COG5: variants seen among roughly 807,000 people sequenced by gnomAD.
COG5 encodes the protein conserved oligomeric Golgi complex subunit 5.
A neutral mutation model predicts 110.4 loss-of-function variants in COG5; 86 were observed. That is an observed-to-expected ratio of 0.78 (90% CI 0.65 to 0.93). The LOEUF (loss-of-function observed/expected upper bound fraction) is 0.93. Ranked by LOEUF, COG5 falls within the 40% of genes least tolerant of loss-of-function variation. The pLI is 0.00. For missense variants in COG5, 1,077 were observed against 987.0 expected (o/e 1.09, Z -1.22); for synonymous variants, 360 against 334.6 (o/e 1.08, Z -0.83).
intron 6 of COG5, among the ~76,000 whole-genome samples, chr7:107,419,043 A>C (rs1793086401): frequency 6.6e-6 from 1 of 152,192 alleles, no homozygotes; most frequent in Non-Finnish European, 1.5e-5. Flanking sequence ...GAATACTTTA[A>C]TCATATTTAA....
In COG5 at chr7:107,258,357, C is replaced by G. The variant is rs759544719; in HGVS notation, c.1602G>C (p.Gln534His). ...GTCCTTCAGTAAGAGGCCCAATCAC[C>G]TGACTTGCATCTCCTTGTGTGGAGA... ...QLLSTQGDAS[Q>H]VIGPLTEGQR... Residue 534 changes from glutamine (Q) to histidine (H), a missense_variant, in exon 15 of 22, where the codon CAG becomes CAC. Gln to His is a conservative substitution (Grantham distance 24). Coordinates refer to ENST00000297135, the MANE Select transcript of COG5 (RefSeq NM_006348.5). 13 of 1,611,492 alleles carry G rather than the reference C, an allele frequency of 8.1e-6. No individual in the cohort carries two copies. The South Asian group carries it at 1.3e-4, about 16-fold the overall frequency.
chr7:107,515,711 T>C (rs1160913060), intron 6 of COG5, among the ~76,000 whole-genome samples: 1 of 152,216 alleles, frequency 6.6e-6, no homozygotes, highest in Admixed American at 6.5e-5. Flanking sequence ...CTACAAATCA[T>C]CCTTCTTTTA....
At chr7:107,353,516 A>G (rs1311598008) in intron 10 of COG5, among the ~76,000 whole-genome samples, 1 of 152,084 alleles carries the variant, frequency 6.6e-6, no homozygotes, top group Non-Finnish European at 1.5e-5. Flanking sequence ...AGGTATAAAT[A>G]TATCTTTTCA....
At chr7:107,246,130 A>C (rs964565477) in intron 17 of COG5, among the ~76,000 whole-genome samples, 1 of 152,242 alleles carries the variant, frequency 6.6e-6, no homozygotes, top group African/African-American at 2.4e-5. Flanking sequence ...TTTCCTATTC[A>C]AGAAATGGTG....
At chr7:107,452,481 G>A (rs1005647961) in intron 6 of COG5, among the ~76,000 whole-genome samples, 14 of 152,052 alleles carry the variant, frequency 9.2e-5, no homozygotes, top group Non-Finnish European at 5.9e-5. Flanking sequence ...TAATTGAATC[G>A]TGGCAGCGGG....
At chr7:107,496,663 AAAAACAAAAAAC>A (rs1798292392) in intron 6 of COG5, among the ~76,000 whole-genome samples, 3 of 151,444 alleles carry the variant, frequency 2.0e-5, no homozygotes, top group Non-Finnish European at 4.4e-5. Context: ...GTCTCAAAAA[AAAAACAAAAAAC>A]AAAAAACAAA....
chr7:107,492,931 A>G (rs1455547287), intron 6 of COG5, among the ~76,000 whole-genome samples: 1 of 152,134 alleles, frequency 6.6e-6, no homozygotes, highest in Non-Finnish European at 1.5e-5. Flanking sequence ...AAAACACCAG[A>G]GAACATGTCA....
intron 5 of COG5, among the ~76,000 whole-genome samples, chr7:107,544,628 T>G (rs1275685585): frequency 6.6e-6 from 1 of 152,160 alleles, no homozygotes; most frequent in African/African-American, 2.4e-5. Context: ...AAAGCCTGCC[T>G]AGGATCTCTG....
chr7:107,419,769 T>C (rs975589255), intron 6 of COG5, among the ~76,000 whole-genome samples: 1 of 152,108 alleles, frequency 6.6e-6, no homozygotes, highest in Non-Finnish European at 1.5e-5. Context: ...GGTTTCACCA[T>C]TTTGGCCAGG....
rs1451042223 is a variant in COG5 at position 107,267,953 on chromosome 7, T to C, written c.1576-9570A>G. On this transcript the variant is annotated intron_variant, in intron 14 of 21. Coordinates refer to ENST00000297135, the MANE Select transcript of COG5 (RefSeq NM_006348.5). ...TATAATCTTACATGCATTATTACTT[T>C]TCGTAGTAAGAAATTCTTTTTGTTG... Among the ~76,000 whole-genome samples the C allele has an allele frequency of 2.0e-5, 3 of 152,304 alleles. No homozygotes were observed. The East Asian group carries it at 5.8e-4, about 29-fold the overall frequency.
At position 107,530,309 on chromosome 7, in the gene COG5, T is replaced by C. The variant is rs184654557; in HGVS notation, c.418-2952A>G. ...CCAGCCAGATTTATCTTCTTAAAAA[T>C]GCAGTTTTTGGGCCGGACGCAGTGG... is the stretch of plus-strand genomic sequence containing the variant. On this transcript the variant is annotated intron_variant, in intron 5 of 21. Transcript: ENST00000297135. Among the ~76,000 whole-genome samples, 846 of 152,292 alleles carry C rather than the reference T, an allele frequency of 5.6e-3. 9 individuals are homozygous for C. Among genetic ancestry groups the C allele is most frequent in the Non-Finnish European group, 8.6e-3 (582 of 68,018 alleles).
At chr7:107,220,180 G>C (rs1346658694) in intron 19 of COG5, among the ~76,000 whole-genome samples, 1 of 152,150 alleles carries the variant, frequency 6.6e-6, no homozygotes, top group Non-Finnish European at 1.5e-5. Flanking sequence ...CTGATTCACA[G>C]AATCAGTATA....
intron 10 of COG5, among the ~76,000 whole-genome samples, chr7:107,360,710 C>A (rs914981505): frequency 6.6e-6 from 1 of 152,212 alleles, no homozygotes; most frequent in East Asian, 1.9e-4. Flanking sequence ...TGTGCTGACA[C>A]CTGGAGCTGC....
chr7:107,305,434 A>C (rs999374989), intron 11 of COG5, among the ~76,000 whole-genome samples: 1 of 152,178 alleles, frequency 6.6e-6, no homozygotes, highest in Non-Finnish European at 1.5e-5. Context: ...TATTGCCTTT[A>C]GGATGTCTTG....
In COG5 at chr7:107,211,302, T is replaced by C. The variant is rs569153247; in HGVS notation, c.2169-77A>G. The C allele has an allele frequency of 1.4e-4, 205 of 1,508,352 alleles. No individual in the cohort carries two copies. In the East Asian group the frequency reaches 4.5e-3, roughly 33 times the overall value. The allele number at this position is 1,508,352 out of a possible 1,614,324, so 93.4% of individuals were successfully genotyped here. On this transcript the variant is annotated intron_variant, in intron 19 of 21. Coordinates refer to ENST00000297135, the MANE Select transcript of COG5 (RefSeq NM_006348.5). ...GATTTGGTGGGAGAATCATTCTCCT[T>C]GTAGAATAGCATTTTTCCTAGATTG...
intron 5 of COG5, among the ~76,000 whole-genome samples, chr7:107,535,415 G>T (rs1563087934): frequency 6.6e-6 from 1 of 151,414 alleles, no homozygotes; most frequent in Non-Finnish European, 1.5e-5. Context: ...TAAACCACTA[G>T]CCAGACTAAC....
chr7:107,223,517 C>G (rs1800104010), intron 19 of COG5, among the ~76,000 whole-genome samples: 1 of 152,204 alleles, frequency 6.6e-6, no homozygotes, highest in Non-Finnish European at 1.5e-5. Flanking sequence ...TAAAAGCATA[C>G]ATTTGGCTGA....
chr7:107,209,926 G>A (rs1799045105), intron 21 of COG5: 3 of 986,606 alleles, frequency 3.0e-6, no homozygotes, highest in Non-Finnish European at 3.6e-6. Context: ...AGCAGTTGCA[G>A]GGAAGAGTGT....
chr7:107,255,001 A>G (rs1802776320), intron 16 of COG5, among the ~76,000 whole-genome samples: 1 of 152,222 alleles, frequency 6.6e-6, no homozygotes, highest in Non-Finnish European at 1.5e-5. Context: ...CTTCTGTATC[A>G]ATTATGTGTA....
Sources: allele counts gnomAD v4.1 joint callset (sites outside exome capture counted in the v4.1 genomes callset), GRCh38; gene constraint gnomAD v4.1.1; transcripts MANE v1.5; gene names NCBI Gene and HGNC (gene_info 2026-07-23, HGNC 2026-07-21).